COLEC10: variants seen among roughly 807,000 people sequenced by gnomAD.
COLEC10 encodes the protein collectin subfamily member 10, also known as collectin-10.
COLEC10 carries 22 observed loss-of-function variants against 28.4 expected under a neutral mutation model. The ratio of observed to expected loss-of-function variants is 0.78; its 90% CI spans 0.55 to 1.11. COLEC10 has a LOEUF of 1.11. Ranked by LOEUF, COLEC10 falls within the 50% of genes least tolerant of loss-of-function variation. The probability of loss-of-function intolerance (pLI) is 0.00; values close to 1 mark genes in which losing one functional copy is unlikely to be tolerated. For synonymous variants in COLEC10, 125 were observed against 116.1 expected (o/e 1.08, Z -0.49); for missense variants, 361 against 344.1 (o/e 1.05, Z -0.39).
At chr8:119,025,531 A>C (rs1814175362) in intron 2 of COLEC10, among the ~76,000 whole-genome samples, 1 of 152,136 alleles carries the variant, frequency 6.6e-6, no homozygotes, top group African/African-American at 2.4e-5. Context: ...GTGTAATGGC[A>C]GGGCAAGCTT....
chr8:118,959,510 C>G, the COLEC10 span, among the ~76,000 whole-genome samples: 1 of 152,128 alleles, frequency 6.6e-6, no homozygotes, highest in Non-Finnish European at 1.5e-5. Context: ...ATATACAAGG[C>G]ACTTAGAGCA....
At chr8:119,042,497 C>T (rs1299380707) in intron 2 of COLEC10, among the ~76,000 whole-genome samples, 2 of 152,044 alleles carry the variant, frequency 1.3e-5, no homozygotes, top group Non-Finnish European at 2.9e-5. Context: ...GGTTCGAATG[C>T]TCGTGCTGCC....
At chr8:118,959,025 T>C in the COLEC10 span, among the ~76,000 whole-genome samples, 1 of 152,330 alleles carries the variant, frequency 6.6e-6, no homozygotes, top group Admixed American at 6.5e-5. Flanking sequence ...AAACAGTGAC[T>C]GATTCAGTAG....
intron 1 of COLEC10, among the ~76,000 whole-genome samples, chr8:119,088,112 G>C (rs1443722732): frequency 1.3e-5 from 2 of 151,144 alleles, no homozygotes; most frequent in African/African-American, 4.9e-5. Flanking sequence ...GGGTGACAGA[G>C]AAAGACACTG....
At chr8:119,084,341 G>C (rs1815427437) in intron 1 of COLEC10, among the ~76,000 whole-genome samples, 1 of 152,130 alleles carries the variant, frequency 6.6e-6, no homozygotes, top group Non-Finnish European at 1.5e-5. Flanking sequence ...TCATCAATAC[G>C]TCATCCCACC....
upstream of COLEC10, among the ~76,000 whole-genome samples, chr8:118,992,034 T>A (rs1296182074): frequency 6.6e-6 from 1 of 152,098 alleles, no homozygotes; most frequent in African/African-American, 2.4e-5. Context: ...GAAATTTGAT[T>A]CTGCTACTTA....
At chr8:119,086,802 C>A (rs16891980) in intron 1 of COLEC10, among the ~76,000 whole-genome samples, 2 of 152,146 alleles carry the variant, frequency 1.3e-5, no homozygotes, top group South Asian at 4.1e-4. Flanking sequence ...TTTATCTTGC[C>A]TTTTCATGAG....
the COLEC10 span, among the ~76,000 whole-genome samples, chr8:118,978,939 A>T: frequency 2.0e-5 from 3 of 152,128 alleles, no homozygotes; most frequent in African/African-American, 7.2e-5. Context: ...TTATTTTACA[A>T]ATCTAATTTA....
chr8:119,046,330 CGT>C (rs1222256156), intron 2 of COLEC10, among the ~76,000 whole-genome samples: 1 of 152,100 alleles, frequency 6.6e-6, no homozygotes, highest in African/African-American at 2.4e-5. Flanking sequence ...TCCTACTCAA[CGT>C]GTGTCACTCA....
chr8:118,952,854 A>T, the COLEC10 span, among the ~76,000 whole-genome samples: 1 of 152,132 alleles, frequency 6.6e-6, no homozygotes, highest in Non-Finnish European at 1.5e-5. Context: ...TAGAAGTTAG[A>T]CTTGATGACT....
chr8:119,067,455 A>C (rs777021287), intron 1 of COLEC10, 26 bp downstream of exon 1: 1 of 1,606,902 alleles, frequency 6.2e-7, no homozygotes, highest in Admixed American at 1.7e-5. Flanking sequence ...CACAATTTTC[A>C]TGTATAATAA....
intron 2 of COLEC10, among the ~76,000 whole-genome samples, chr8:119,047,209 A>G (rs750398220): frequency 5.3e-5 from 8 of 152,216 alleles, no homozygotes; most frequent in Non-Finnish European, 7.3e-5. Context: ...GCGTATTTGT[A>G]TCTGTAGAAG....
chr8:119,075,612 T>C (rs1815212146), intron 1 of COLEC10, among the ~76,000 whole-genome samples: 1 of 152,214 alleles, frequency 6.6e-6, no homozygotes, highest in Admixed American at 6.5e-5. Flanking sequence ...GAGTCATTCT[T>C]TAGAATTTAC....
At chr8:119,013,040 T>C (rs753409533) in intron 2 of COLEC10, among the ~76,000 whole-genome samples, 4 of 150,154 alleles carry the variant, frequency 2.7e-5, no homozygotes, top group Admixed American at 6.6e-5. Flanking sequence ...TTTTCTAAGG[T>C]GGAAGCTTAG....
chr8:119,011,845 A>T (rs1238059702), intron 2 of COLEC10, among the ~76,000 whole-genome samples: 1 of 150,866 alleles, frequency 6.6e-6, no homozygotes, highest in Non-Finnish European at 1.5e-5. Context: ...TAGTTTCTGA[A>T]GTGTTATATT....
intron 2 of COLEC10, among the ~76,000 whole-genome samples, chr8:119,061,975 A>T (rs980945928): frequency 3.9e-5 from 6 of 152,132 alleles, no homozygotes; most frequent in Non-Finnish European, 5.9e-5. Flanking sequence ...AATAATTGGT[A>T]GTTATGATGG....
At chr8:119,088,852 T>C (rs1412960180) in intron 1 of COLEC10, among the ~76,000 whole-genome samples, 1 of 152,168 alleles carries the variant, frequency 6.6e-6, no homozygotes, top group Non-Finnish European at 1.5e-5. Flanking sequence ...ATCCCAGGTG[T>C]TCTATGTCTG....
At chr8:119,030,846 T>C (rs1390358462) in intron 2 of COLEC10, among the ~76,000 whole-genome samples, 8 of 152,180 alleles carry the variant, frequency 5.3e-5, no homozygotes, top group Admixed American at 5.2e-4. Context: ...TCTGAGATAT[T>C]ATGTGCAAAA....
At chr8:118,974,672 A>T in the COLEC10 span, among the ~76,000 whole-genome samples, 1 of 152,024 alleles carries the variant, frequency 6.6e-6, no homozygotes, top group Non-Finnish European at 1.5e-5. Flanking sequence ...TTTCTCCTTA[A>T]ATTTACGTAA....
Sources: allele counts gnomAD v4.1 joint callset (sites outside exome capture counted in the v4.1 genomes callset), GRCh38; gene constraint gnomAD v4.1.1; transcripts MANE v1.5; gene names NCBI Gene and HGNC (gene_info 2026-07-23, HGNC 2026-07-21).